PDE3A: variants seen among roughly 807,000 people sequenced by gnomAD.
PDE3A encodes cGMP-inhibited 3',5'-cyclic phosphodiesterase 3A.
Under a neutral mutation model 98.3 loss-of-function variants are expected in PDE3A, and 43 were observed. That is an observed-to-expected ratio of 0.44 (90% CI 0.34 to 0.56). The LOEUF (loss-of-function observed/expected upper bound fraction) is 0.56, where lower values mean the gene tolerates loss of function less well. Ranked by LOEUF, PDE3A falls within the 20% of genes least tolerant of loss-of-function variation. PDE3A has a pLI of 0.01. For synonymous variants in PDE3A, 663 were observed against 567.9 expected (o/e 1.17, Z -2.38); for missense variants, 1,427 against 1,440.7 (o/e 0.99, Z 0.15).
chr12:20,491,418 T>C (rs1020312789), intron 1 of PDE3A, among the ~76,000 whole-genome samples: 2 of 152,208 alleles, frequency 1.3e-5, no homozygotes, highest in Non-Finnish European at 2.9e-5. Context: ...ACCTTTTGTT[T>C]CAATGGGTTG....
At chr12:20,443,157 T>C (rs1408429982) in intron 1 of PDE3A, among the ~76,000 whole-genome samples, 3 of 152,082 alleles carry the variant, frequency 2.0e-5, no homozygotes, top group Non-Finnish European at 4.4e-5. Context: ...TTGCCCCTAG[T>C]TTAATTTGTC....
chr12:20,603,630 G>A (rs1472298702), intron 2 of PDE3A, among the ~76,000 whole-genome samples: 2 of 151,892 alleles, frequency 1.3e-5, no homozygotes, highest in Non-Finnish European at 2.9e-5. Flanking sequence ...GGAACTACTG[G>A]CCCAGTTCAT....
intron 2 of PDE3A, among the ~76,000 whole-genome samples, chr12:20,570,655 A>G (rs1942783522): frequency 6.6e-6 from 1 of 152,184 alleles, no homozygotes; most frequent in African/African-American, 2.4e-5. Context: ...TAGATGAGCC[A>G]ACTTCGTAAG....
chr12:20,523,276 A>T (rs1012077822), intron 1 of PDE3A, among the ~76,000 whole-genome samples: 1 of 152,122 alleles, frequency 6.6e-6, no homozygotes, highest in African/African-American at 2.4e-5. Context: ...GCTTCTTGCC[A>T]TACAGGTAAG....
chr12:20,392,534 CATAAATAAATAA>C (rs1045970737), intron 1 of PDE3A, among the ~76,000 whole-genome samples: 66 of 25,258 alleles, frequency 2.6e-3, no homozygotes, highest in African/African-American at 4.6e-3. Flanking sequence ...TAAATAAATA[CATAAATAAATAA>C]ATAAATAAAT....
chr12:20,406,353 G>T (rs1374322585), intron 1 of PDE3A, among the ~76,000 whole-genome samples: 1 of 152,160 alleles, frequency 6.6e-6, no homozygotes, highest in Non-Finnish European at 1.5e-5. Flanking sequence ...CCCACTAACA[G>T]CATGTAAGGG....
intron 1 of PDE3A, among the ~76,000 whole-genome samples, chr12:20,497,135 T>C (rs1945934881): frequency 6.6e-6 from 1 of 152,148 alleles, no homozygotes; most frequent in African/African-American, 2.4e-5. Context: ...TGTAAGTAGT[T>C]GTGCTCTAAA....
intron 10 of PDE3A, among the ~76,000 whole-genome samples, chr12:20,642,187 G>A (rs1269628340): frequency 6.6e-6 from 1 of 152,030 alleles, no homozygotes; most frequent in Admixed American, 6.6e-5. Flanking sequence ...GCAAATATTA[G>A]AAACTAAATT....
intron 1 of PDE3A, among the ~76,000 whole-genome samples, chr12:20,481,453 CGTT>C (rs146252214): frequency 1.8e-4 from 28 of 152,000 alleles, no homozygotes; most frequent in African/African-American, 6.0e-4. Flanking sequence ...TATTTACTGA[CGTT>C]GTTGTTGTTG....
At chr12:20,594,216 T>G (rs1339521370) in intron 2 of PDE3A, among the ~76,000 whole-genome samples, 5 of 152,152 alleles carry the variant, frequency 3.3e-5, no homozygotes, top group African/African-American at 9.7e-5. Context: ...GCTAACAATG[T>G]TTTTAAGTTG....
chr12:20,454,760 G>A (rs752961092), intron 1 of PDE3A, among the ~76,000 whole-genome samples: 3 of 152,122 alleles, frequency 2.0e-5, no homozygotes, highest in Non-Finnish European at 4.4e-5. Flanking sequence ...GTTTGCTAAG[G>A]ATAATGGCCA....
At chr12:20,427,570 C>T (rs893067288) in intron 1 of PDE3A, among the ~76,000 whole-genome samples, 1 of 152,014 alleles carries the variant, frequency 6.6e-6, no homozygotes, top group African/African-American at 2.4e-5. Flanking sequence ...ATGAATATTA[C>T]CAAGTTTAAG....
chr12:20,411,691 G>A (rs10770650), intron 1 of PDE3A, among the ~76,000 whole-genome samples: 6,750 of 151,708 alleles, frequency 0.044, 450 homozygotes, highest in African/African-American at 0.14. Context: ...CTTTCTTCTG[G>A]TTGTTGACAA....
chr12:20,542,427 G>A (rs569394463), intron 1 of PDE3A, among the ~76,000 whole-genome samples: 3 of 133,398 alleles, frequency 2.2e-5, no homozygotes, highest in South Asian at 2.4e-4. Context: ...TTTGGTATAC[G>A]TAACAGCATA....
intron 1 of PDE3A, among the ~76,000 whole-genome samples, chr12:20,474,837 T>TTC (rs1162492218): frequency 1.3e-5 from 2 of 152,202 alleles, no homozygotes; most frequent in African/African-American, 4.8e-5. Flanking sequence ...TATCTCAAAA[T>TTC]CCTTAATTTA....
At chr12:20,414,447 T>C (rs11045227) in intron 1 of PDE3A, among the ~76,000 whole-genome samples, 93,890 of 152,110 alleles carry the variant, frequency 0.62, 30,751 homozygotes, top group East Asian at 0.88. Flanking sequence ...CTCTAAGTCA[T>C]GCATAGAAAG....
At chr12:20,500,853 G>A (rs1000955593) in intron 1 of PDE3A, among the ~76,000 whole-genome samples, 3 of 148,310 alleles carry the variant, frequency 2.0e-5, no homozygotes, top group African/African-American at 7.5e-5. Flanking sequence ...CTGCAGCCTC[G>A]ACCTCCTGGG....
chr12:20,575,753 C>T (rs1942913611), intron 2 of PDE3A, among the ~76,000 whole-genome samples: 1 of 151,776 alleles, frequency 6.6e-6, no homozygotes, highest in East Asian at 1.9e-4. Context: ...GCTGTTCTTT[C>T]ATCCTCCTAT....
chr12:20,553,872 C>G (rs1487103538), intron 1 of PDE3A, among the ~76,000 whole-genome samples: 1 of 151,738 alleles, frequency 6.6e-6, no homozygotes, highest in Non-Finnish European at 1.5e-5. Context: ...CTAGAAACTG[C>G]GGTCATCCAG....
Sources: gnomAD v4.1 joint callset for allele counts (sites outside exome capture counted in the v4.1 genomes callset) on GRCh38, gnomAD v4.1.1 for gene constraint, MANE v1.5 for transcripts, NCBI Gene and HGNC (gene_info 2026-07-23, HGNC 2026-07-21) for gene names.